ESYT1: variants seen among roughly 807,000 people sequenced by gnomAD.
The protein encoded by ESYT1 is extended synaptotagmin 1.
Under a neutral mutation model 154.2 loss-of-function variants are expected in ESYT1, and 116 were observed. That is an observed-to-expected ratio of 0.75 (90% confidence interval 0.65 to 0.88). The LOEUF (loss-of-function observed/expected upper bound fraction) is 0.88, where lower values mean the gene tolerates loss of function less well. ESYT1 is among the 40% of genes least tolerant of loss of function. The pLI is 0.00. For synonymous variants in ESYT1, 500 were observed against 539.9 expected, an observed-to-expected ratio of 0.93 and a Z score of 1.02; for missense variants, 1,264 against 1,379.3, an observed-to-expected ratio of 0.92 and a Z score of 1.32.
Position 56,142,228 on chromosome 12 carries a change from G to A in ESYT1, c.2593-57G>A. ...AAGCGTTTGGACCTTTAAAACACCA[G>A]GATTAACTCATTTGTTGATGCATTC... On this transcript the variant is annotated intron_variant, in intron 24 of 30. Transcript: ENST00000394048. This position sits in a 1 kb window ranked among gnomAD's most constrained non-coding sequence, Gnocchi z 4.1. 6.3e-7 allele frequency: 1 copy of A among 1,597,966 alleles called. No homozygotes were observed. The highest frequency in any genetic ancestry group is 8.5e-7 in the Non-Finnish European group (1 of 1,169,834).
At chr12:56,141,279 C>T (rs572232069) in intron 24 of ESYT1, among the ~76,000 whole-genome samples, 1 of 152,238 alleles carries the variant, frequency 6.6e-6, no homozygotes, top group East Asian at 1.9e-4. Context: ...AGCAGGGAAT[C>T]AATAGATACA....
rs749726573 is a variant in ESYT1 at position 56,137,331 on chromosome 12, T to C, written c.1896T>C (p.Pro632=). ...PQRGSSVDAP[P]RPCHTTPDSQ... is the part of the protein sequence containing the mutation. ...GAGGCAGCAGTGTGGATGCCCCACC[T>C]CGACCCTGTCACACGACTCCTGATA... Residue 632 remains proline (P), a synonymous_variant, in exon 17 of 31, where the codon CCT becomes CCC. Transcript: ENST00000394048. 81 of 1,614,086 alleles carry C rather than the reference T, an allele frequency of 5.0e-5. No homozygotes were observed. The highest frequency in any genetic ancestry group is 6.7e-5 in the Non-Finnish European group (79 of 1,180,042).
At chr12:56,133,376 C>T in intron 10 of ESYT1, 41 bp from the exon 11 acceptor site, 1 of 1,613,342 alleles carries the variant, frequency 6.2e-7, no homozygotes, top group Non-Finnish European at 8.5e-7. Flanking sequence ...CAACACTACC[C>T]TTTTCTTCCT....
chr12:56,142,450 G>A lies in ESYT1; in HGVS notation c.2733+25G>A, dbSNP rs1168763247. ...GGTGAGTGACAGGAGATGGTGGGCA[G>A]GATGAGAGGGAGGAGGGGAGGGCCT... On this transcript the variant is annotated intron_variant, in intron 25 of 30. Coordinates refer to ENST00000394048, the MANE Select transcript of ESYT1 (RefSeq NM_015292.3). The surrounding 1 kb of genome is among the most constrained non-coding windows in gnomAD (Gnocchi z 4.1). The A allele has an allele frequency of 1.2e-5, 19 of 1,608,754 alleles. No homozygotes were observed. The highest frequency in any genetic ancestry group is 2.2e-5 in the East Asian group (1 of 44,720).
intron 16 of ESYT1, 62 bp from the exon 17 acceptor site, chr12:56,137,156 A>C (rs1870491676): frequency 1.3e-6 from 2 of 1,597,582 alleles, no homozygotes; most frequent in African/African-American, 2.7e-5. Flanking sequence ...CCCACCCCAC[A>C]TGCTTTGCCT....
chr12:56,136,938 T>A (rs188946765), intron 16 of ESYT1, 45 bp downstream of exon 16: 1 of 1,538,514 alleles, frequency 6.5e-7, no homozygotes, highest in East Asian at 2.3e-5. Flanking sequence ...AAAGGCCTGT[T>A]GATTCTTTGG....
chr12:56,144,070 G>T lies in ESYT1; in HGVS notation c.*208G>T. ...TACTGCACGGCCTTTATCCTTCTGG[G>T]CCCCTGGGGCGGGGACCTGAGCTGG... is the stretch of plus-strand genomic sequence containing the variant. On this transcript the variant is annotated 3_prime_UTR_variant, in exon 31 of 31. Coordinates refer to ENST00000394048, the MANE Select transcript of ESYT1 (RefSeq NM_015292.3). 7.0e-7 allele frequency: 1 copy of T among 1,430,078 alleles called. No homozygotes were observed. The highest frequency in any genetic ancestry group is 1.5e-5 in the South Asian group (1 of 66,774). The allele number at this position is 1,430,078 out of a possible 1,614,324, so 88.6% of individuals were successfully genotyped here. A position where few individuals can be genotyped will look rare whatever the true frequency, so the allele number is the denominator to read the frequency against.
In ESYT1 at chr12:56,138,826, C is replaced by G; in HGVS notation, c.2492C>G (p.Ser831Cys). Reference sequence around the variant, plus strand: ...GCTACTCTCACTGTGGGAGATAGTTCTCATAAAACCAAGGTATGAAGAAAT... The same window carrying G: ...GCTACTCTCACTGTGGGAGATAGTTGTCATAAAACCAAGGTATGAAGAAAT... ...PYATLTVGDS[S>C]HKTKTISQTS... Residue 831 changes from serine to cysteine, a missense_variant, in exon 23 of 31, where the codon TCT becomes TGT. Transcript: ENST00000394048. The G allele has an allele frequency of 6.2e-7, 1 of 1,614,102 alleles. No homozygotes were observed.
In ESYT1 at chr12:56,132,307, C is replaced by T. The variant is rs755196272; in HGVS notation, c.959C>T (p.Ala320Val). Residue 320 changes from alanine (A) to valine (V), a missense_variant, in exon 8 of 31, where the codon GCT becomes GTT. By Grantham distance (64) the Ala-to-Val change is moderately conservative (BLOSUM62 0). Coordinates refer to ENST00000394048, the MANE Select transcript of ESYT1 (RefSeq NM_015292.3). The part of the protein sequence containing the change: ...VPLVPDLQDV[A>V]QLRSPLPRGI... ...CTTGTGCCTGACCTTCAAGATGTGG[C>T]TCAGTTGCGTTCCCCTCTGCCCAGG... The T allele has an allele frequency of 6.8e-6, 11 of 1,613,992 alleles. No homozygotes were observed. Among genetic ancestry groups the T allele is most frequent in the Middle Eastern group, 1.6e-4 (1 of 6,084 alleles).
At position 56,134,422 on chromosome 12, in the gene ESYT1, T is replaced by C. The variant is rs1426571050; in HGVS notation, c.1626T>C (p.Asp542=). The C allele has an allele frequency of 6.2e-7, 1 of 1,614,000 alleles. No homozygotes were observed. The highest frequency in any genetic ancestry group is 1.3e-5 in the African/African-American group (1 of 75,010). The change falls in exon 15 of 31, where the codon GAT becomes GAC. Residue 542 remains aspartate (D), a synonymous_variant. Coordinates refer to ENST00000394048, the MANE Select transcript of ESYT1 (RefSeq NM_015292.3). ...FLQDPQSQEL[D]VQVKDDSRAL... ...AAGACCCTCAAAGCCAGGAGCTCGA[T>C]GTGCAAGTGAGATAATCACCTCTTC...
chr12:56,132,759 A>C lies in ESYT1; in HGVS notation c.1202A>C (p.Glu401Ala). Reference protein sequence around the residue: ...HEVPGQEIEVEVFDKDPDKDD... With the variant: ...HEVPGQEIEVAVFDKDPDKDD... ...GTCCCAGGGCAGGAGATTGAAGTGG[A>C]GGTGTTCGACAAGGATCCAGATAAA... Residue 401 changes from glutamate to alanine, a missense_variant, in exon 10 of 31, where the codon GAG becomes GCG. Physicochemically the swap from Glu to Ala is moderately radical, Grantham distance 107 (BLOSUM62 -1). Coordinates refer to ENST00000394048, the MANE Select transcript of ESYT1 (RefSeq NM_015292.3). 6.2e-7 allele frequency: 1 copy of C among 1,614,096 alleles called. No individual in the cohort carries two copies. Among genetic ancestry groups the C allele is most frequent in the Non-Finnish European group, 8.5e-7 (1 of 1,180,006 alleles).
rs1337154899 is a variant in ESYT1, at chr12:56,142,736, A to G, written c.2888+4A>G. On this transcript the variant is annotated splice_donor_region_variant and intron_variant, in intron 26 of 30. Coordinates refer to ENST00000394048, the MANE Select transcript of ESYT1 (RefSeq NM_015292.3). The surrounding 1 kb of genome is among the most constrained non-coding windows in gnomAD (Gnocchi z 4.1). Reference sequence around the variant, plus strand: ...AGCGCCTAACACATGTTGACAGGTAAAGGGCTGGGACAGGAAGGTGGGACG... The same window carrying G: ...AGCGCCTAACACATGTTGACAGGTAGAGGGCTGGGACAGGAAGGTGGGACG... 1 of 1,613,808 alleles carries G rather than the reference A, an allele frequency of 6.2e-7. No individual in the cohort carries two copies. Among genetic ancestry groups the G allele is most frequent in the East Asian group, 2.2e-5 (1 of 44,882 alleles).
chr12:56,133,730 T>G (rs1463094439), intron 12 of ESYT1, 51 bp from the exon 13 acceptor site: 1 of 1,612,910 alleles, frequency 6.2e-7, no homozygotes, highest in African/African-American at 1.3e-5. Flanking sequence ...GCTGGAAGTG[T>G]AGGGGACTTG....
At chr12:56,131,712 C>T (rs1249975868) in intron 6 of ESYT1, 37 bp from the exon 7 acceptor site, 1 of 1,613,532 alleles carries the variant, frequency 6.2e-7, no homozygotes, top group South Asian at 1.1e-5. Context: ...GACCACACCC[C>T]ATAGGATCTG....
In ESYT1 at chr12:56,130,934, G is replaced by A. The variant is rs1478152992; in HGVS notation, c.567+9G>A. The stretch of plus-strand genomic sequence containing the variant: ...TGGAACTGGGTGAAAAGGTATGTGT[G>A]GAGGAGGGAAAGTGAGGAGGTAGGC... On this transcript the variant is annotated intron_variant, in intron 3 of 30. Coordinates refer to ENST00000394048, the MANE Select transcript of ESYT1 (RefSeq NM_015292.3). The A allele has an allele frequency of 6.2e-7, 1 of 1,614,084 alleles. No individual in the cohort carries two copies. Among genetic ancestry groups the A allele is most frequent in the Non-Finnish European group, 8.5e-7 (1 of 1,180,028 alleles).
At chr12:56,134,019 G>C in intron 13 of ESYT1, 91 bp from the exon 14 acceptor site, 6 of 1,559,532 alleles carry the variant, frequency 3.8e-6, no homozygotes, top group Non-Finnish European at 5.3e-6. Context: ...ATCCATCTCA[G>C]GGAAAGGATT....
At chr12:56,130,992 G>T (rs749298877) in intron 3 of ESYT1, 48 bp from the exon 4 acceptor site, 2 of 1,613,812 alleles carry the variant, frequency 1.2e-6, no homozygotes, top group African/African-American at 1.3e-5. Flanking sequence ...GTAGACTCAG[G>T]TACTTCTCCC....
chr12:56,144,650 T>C lies in ESYT1; in HGVS notation c.*788T>C. ...CCAACTCTGCCAAGCCACTGGATCTTACATTAAACATCATACTCAAACCAG... is the reference window on the plus strand; with the variant it reads ...CCAACTCTGCCAAGCCACTGGATCTCACATTAAACATCATACTCAAACCAG... On this transcript the variant is annotated 3_prime_UTR_variant, in exon 31 of 31. Coordinates refer to ENST00000394048, the MANE Select transcript of ESYT1 (RefSeq NM_015292.3). 1.0e-6 allele frequency: 1 copy of C among 985,468 alleles called. No individual in the cohort carries two copies. The highest frequency in any genetic ancestry group is 1.1e-4 in the East Asian group (1 of 8,816). 61.0% of individuals were successfully genotyped at this position (985,468 alleles called of 1,614,324 possible).
Position 56,128,428 on chromosome 12 carries a change from G to T in ESYT1, c.109G>T (p.Gly37Cys). 6.2e-7 allele frequency: 1 copy of T among 1,612,878 alleles called. No individual in the cohort carries two copies. Among genetic ancestry groups the T allele is most frequent in the Non-Finnish European group, 8.5e-7 (1 of 1,179,436 alleles). ...CGCTGCTCACGCAAAGCCAGACCCA[G>T]GTTCTGGGGGCCAACCTGCTGGCCC... ...PPAAHAKPDPGSGGQPAGPGA... is the reference protein window; with the variant it reads ...PPAAHAKPDPCSGGQPAGPGA... Residue 37 changes from glycine (G) to cysteine (C), a missense_variant, in exon 1 of 31, where the codon GGT becomes TGT. Coordinates refer to ENST00000394048, the MANE Select transcript of ESYT1 (RefSeq NM_015292.3).
Sources: allele counts gnomAD v4.1 joint callset (sites outside exome capture counted in the v4.1 genomes callset), GRCh38; gene constraint gnomAD v4.1.1; non-coding constraint Gnocchi (gnomAD v3.1); transcripts MANE v1.5; gene names NCBI Gene and HGNC (gene_info 2026-07-23, HGNC 2026-07-21).